Variants in AGBL1 observed in about 807,000 individuals in gnomAD.
AGBL1 encodes cytosolic carboxypeptidase 4.
In AGBL1, 130 loss-of-function variants were observed where a neutral mutation model predicts 118.9. The observed-to-expected ratio is 1.09, with a 90% CI of 0.95 to 1.26. The LOEUF is 1.26. Ranked by LOEUF, AGBL1 falls within the 50% of genes most tolerant of loss-of-function variation. The pLI, the probability that AGBL1 is intolerant of heterozygous loss-of-function variation, is 0.00. For synonymous variants in AGBL1, 555 were observed against 478.9 expected, an observed-to-expected ratio of 1.16 and a Z score of -2.08; for missense variants, 1,584 against 1,298.1, an observed-to-expected ratio of 1.22 and a Z score of -3.38.
At chr15:86,816,949 C>T (rs956222418) in intron 22 of AGBL1, among the ~76,000 whole-genome samples, 1 of 151,976 alleles carries the variant, frequency 6.6e-6, no homozygotes, top group African/African-American at 2.4e-5. Flanking sequence ...GGTCTCAGAG[C>T]AGGTTAGGAA....
rs566496017 is a variant in AGBL1 at position 86,871,386 on chromosome 15, T to A, written c.3159-35701T>A. Among the ~76,000 whole-genome samples, 3 of 152,250 alleles carry A rather than the reference T, an allele frequency of 2.0e-5. No homozygotes were observed. The South Asian group carries it at 6.2e-4, about 32-fold the overall frequency. On this transcript the variant is annotated intron_variant, in intron 22 of 22. Transcript: ENST00000614907. Reference sequence around the variant, plus strand: ...CTTCACAAAACAAGCCTAAATGAACTCCTTGACCTGCCATGAGTCATAGTT... The same window carrying A: ...CTTCACAAAACAAGCCTAAATGAACACCTTGACCTGCCATGAGTCATAGTT...
intron 4 of AGBL1, among the ~76,000 whole-genome samples, chr15:86,158,337 C>A (rs372416584): frequency 6.6e-6 from 1 of 152,300 alleles, no homozygotes; most frequent in South Asian, 2.1e-4. Context: ...TTCTCTAAGA[C>A]CTCTTGTTCC....
intron 19 of AGBL1, among the ~76,000 whole-genome samples, chr15:86,540,798 T>A (rs2083484571): frequency 6.6e-6 from 1 of 152,190 alleles, no homozygotes; most frequent in Non-Finnish European, 1.5e-5. Context: ...AACAGGCATT[T>A]GTTTTCAGGG....
intron 22 of AGBL1, among the ~76,000 whole-genome samples, chr15:86,740,093 T>C (rs1452440): frequency 0.83 from 126,441 of 152,194 alleles, 52,723 homozygotes; most frequent in East Asian, 0.94. Context: ...TAAAAGTGAC[T>C]TGGCTAGAGC....
chr15:86,111,401 G>T (rs1897372381), intron 1 of AGBL1, among the ~76,000 whole-genome samples: 1 of 152,042 alleles, frequency 6.6e-6, no homozygotes, highest in Non-Finnish European at 1.5e-5. Flanking sequence ...AGAGTGACCA[G>T]AGAGGAAATT....
At chr15:86,142,194 C>T in intron 2 of AGBL1, 127 bp downstream of exon 2, 1 of 869,086 alleles carries the variant, frequency 1.2e-6, no homozygotes, top group Admixed American at 2.5e-5. Flanking sequence ...GGCAGCATCA[C>T]TAGCCCATCT....
chr15:86,656,873 A>C (rs2085468800), intron 21 of AGBL1, among the ~76,000 whole-genome samples: 1 of 152,196 alleles, frequency 6.6e-6, no homozygotes, highest in Admixed American at 6.5e-5. Context: ...CCACATCTCC[A>C]CTGGAGGTTT....
chr15:86,972,430 A>T (rs1596691674), intron 23 of AGBL1, among the ~76,000 whole-genome samples: 1 of 140,156 alleles, frequency 7.1e-6, no homozygotes, highest in Non-Finnish European at 1.6e-5. Context: ...GGCTTGGATG[A>T]TAAATGGTCT....
chr15:86,579,892 G>A (rs2084150491), intron 21 of AGBL1, among the ~76,000 whole-genome samples: 1 of 152,194 alleles, frequency 6.6e-6, no homozygotes, highest in African/African-American at 2.4e-5. Context: ...AGCCTATGAT[G>A]ACTCCCAGGT....
Position 86,257,924 on chromosome 15 carries a change from G to A in AGBL1, c.902-40G>A, listed in dbSNP as rs201119906. ...ATCTAAATCCTAAATCCCGGGCAAA[G>A]GGGAAACTTCACTTATTTCACCTCT... On this transcript the variant is annotated intron_variant, in intron 8 of 22. Coordinates refer to ENST00000614907, the MANE Select transcript of AGBL1 (RefSeq NM_001386094.1). 7.3e-5 allele frequency: 117 copies of A among 1,600,756 alleles called. No homozygotes were observed. The East Asian group carries it at 2.5e-3, about 34-fold the overall frequency.
At chr15:86,900,063 A>G (rs998351150) in intron 22 of AGBL1, among the ~76,000 whole-genome samples, 4 of 152,092 alleles carry the variant, frequency 2.6e-5, no homozygotes, top group South Asian at 4.2e-4. Context: ...ATTGGACTCT[A>G]AGTTCTTCAA....
chr15:86,650,798 C>A (rs1437786537), intron 21 of AGBL1, among the ~76,000 whole-genome samples: 3 of 152,182 alleles, frequency 2.0e-5, no homozygotes, highest in African/African-American at 7.2e-5. Context: ...CCTCATCTCC[C>A]AGACCTATGG....
At position 86,627,004 on chromosome 15, in the gene AGBL1, A is replaced by AT. The variant is rs529625807; in HGVS notation, c.2995-47255dup. Among the ~76,000 whole-genome samples, 314 of 140,306 alleles carry AT rather than the reference A, an allele frequency of 2.2e-3. 3 individuals carry two copies. The highest frequency in any genetic ancestry group is 6.2e-3 in the African/African-American group (234 of 38,014). 92.0% of individuals were successfully genotyped at this position (140,306 alleles called of 152,430 possible). A position where few individuals can be genotyped will look rare whatever the true frequency, so the allele number is the denominator to read the frequency against. ...AGGTGCCTGCCACAACGACCAGCTA[A>AT]TTTTTTTTTTTTTTAGATGGAGTTT... On this transcript the variant is annotated intron_variant, in intron 21 of 22. Coordinates refer to ENST00000614907, the MANE Select transcript of AGBL1 (RefSeq NM_001386094.1).
chr15:86,853,048 A>G (rs1003760677), intron 22 of AGBL1, among the ~76,000 whole-genome samples: 2 of 148,350 alleles, frequency 1.3e-5, no homozygotes, highest in African/African-American at 4.9e-5. Flanking sequence ...GGAAAGTTCC[A>G]AAAAAAATCT....
intron 22 of AGBL1, among the ~76,000 whole-genome samples, chr15:86,759,973 A>AC (rs2078001050): frequency 6.6e-6 from 1 of 152,086 alleles, no homozygotes; most frequent in Non-Finnish European, 1.5e-5. Flanking sequence ...AGACTTACTG[A>AC]AACAGCAGCA....
rs1411797521 is a variant in AGBL1, at chr15:86,615,293, A to AGATGTGAT, written c.2995-58977_2995-58970dup. Among the ~76,000 whole-genome samples the AGATGTGAT allele has an allele frequency of 6.6e-6, 1 of 152,186 alleles. No individual in the cohort carries two copies. Among genetic ancestry groups the AGATGTGAT allele is most frequent in the Non-Finnish European group, 1.5e-5 (1 of 68,038 alleles). ...ATTGACTAAAAACCAGCCTAGGAAA[A>AGATGTGAT]GATGTGATGAGGGACTGTGGTAAAG... is the stretch of plus-strand genomic sequence containing the variant. On this transcript the variant is annotated intron_variant, in intron 21 of 22. Transcript: ENST00000614907. This position sits in a 1 kb window ranked among gnomAD's most constrained non-coding sequence, Gnocchi z 4.3.
intron 1 of AGBL1, among the ~76,000 whole-genome samples, chr15:86,090,064 T>C (rs1489472562): frequency 1.3e-5 from 2 of 152,184 alleles, no homozygotes; most frequent in African/African-American, 4.8e-5. Context: ...TTTCCCGTCT[T>C]CTCTTACATA....
chr15:86,924,186 C>T (rs962141644), intron 23 of AGBL1, among the ~76,000 whole-genome samples: 1 of 152,222 alleles, frequency 6.6e-6, no homozygotes, highest in African/African-American at 2.4e-5. Context: ...TACACACATG[C>T]TCATACACAC....
At chr15:86,262,383 T>C (rs1175779572) in intron 9 of AGBL1, among the ~76,000 whole-genome samples, 1 of 152,144 alleles carries the variant, frequency 6.6e-6, no homozygotes, top group Non-Finnish European at 1.5e-5. Flanking sequence ...GCTGATTAAA[T>C]GTTTGTGAAA....
Sources: allele counts gnomAD v4.1 joint callset (sites outside exome capture counted in the v4.1 genomes callset), GRCh38; gene constraint gnomAD v4.1.1; non-coding constraint Gnocchi (gnomAD v3.1); transcripts MANE v1.5; gene names NCBI Gene and HGNC (gene_info 2026-07-23, HGNC 2026-07-21).